The following IFIH1 variants were observed in gnomAD, a reference collection of about 807,000 sequenced individuals.
IFIH1 encodes the protein interferon-induced helicase C domain-containing protein 1.
In IFIH1, 125 loss-of-function variants were observed where a neutral mutation model predicts 107.4. The ratio of observed to expected loss-of-function variants is 1.16; its 90% confidence interval spans 1.01 to 1.35. IFIH1 has a LOEUF of 1.35. Ranked by LOEUF, IFIH1 falls within the 40% of genes most tolerant of loss-of-function variation. The pLI is 0.00. For synonymous variants in IFIH1, 458 were observed against 413.2 expected (o/e 1.11, Z -1.31); for missense variants, 1,333 against 1,213.7 (o/e 1.10, Z -1.46).
intron 2 of IFIH1, chr2:162,310,081 A>T (rs1683363319): frequency 6.6e-6 from 1 of 152,424 alleles, no homozygotes; most frequent in East Asian, 1.9e-4. Context: ...TGTTTGTTAC[A>T]GCAGCACCCC....
chr2:162,291,075 C>A (rs921049367), intron 4 of IFIH1, among the ~76,000 whole-genome samples: 1 of 151,764 alleles, frequency 6.6e-6, no homozygotes, highest in Admixed American at 6.6e-5. Context: ...ATGAAAATAG[C>A]AGTTAAAATA....
At chr2:162,269,176 A>G (rs1165199739) in intron 13 of IFIH1, among the ~76,000 whole-genome samples, 1 of 152,216 alleles carries the variant, frequency 6.6e-6, no homozygotes, top group Admixed American at 6.5e-5. Flanking sequence ...CTAAATGACT[A>G]CATTTCCAAA....
intron 3 of IFIH1, among the ~76,000 whole-genome samples, chr2:162,300,159 G>A (rs1371070661): frequency 6.6e-6 from 1 of 152,078 alleles, no homozygotes; most frequent in Admixed American, 6.6e-5. Context: ...CTTTTTGAGA[G>A]TGAACGCAAT....
intron 5 of IFIH1, among the ~76,000 whole-genome samples, chr2:162,286,674 G>C (rs565842478): frequency 6.6e-6 from 1 of 151,986 alleles, no homozygotes. Flanking sequence ...AATGGCAGAT[G>C]CTCAAATGGT....
chr2:162,306,051 C>A (rs1261415913), intron 3 of IFIH1, among the ~76,000 whole-genome samples: 1 of 152,166 alleles, frequency 6.6e-6, no homozygotes, highest in Non-Finnish European at 1.5e-5. Context: ...CTTTAAGCAA[C>A]TATTTCTTGT....
chr2:162,283,251 G>T (rs918225217), intron 5 of IFIH1, among the ~76,000 whole-genome samples: 1 of 151,926 alleles, frequency 6.6e-6, no homozygotes, highest in Admixed American at 6.6e-5. Context: ...GCATTGACTA[G>T]GAGAACAGAT....
intron 9 of IFIH1, 37 bp downstream of exon 9, chr2:162,278,168 T>C (rs753679593): frequency 6.4e-7 from 1 of 1,561,128 alleles, no homozygotes; most frequent in Admixed American, 2.0e-5. Flanking sequence ...GGTATAAACA[T>C]GGGATAAACT....
intron 3 of IFIH1, among the ~76,000 whole-genome samples, chr2:162,301,120 A>G (rs1380242731): frequency 6.6e-6 from 1 of 152,212 alleles, no homozygotes; most frequent in South Asian, 2.1e-4. Flanking sequence ...ATGTCACCGG[A>G]TAAACCTAAG....
At chr2:162,303,099 C>T (rs890053977) in intron 3 of IFIH1, among the ~76,000 whole-genome samples, 2 of 152,088 alleles carry the variant, frequency 1.3e-5, no homozygotes, top group African/African-American at 4.8e-5. Flanking sequence ...TGGAAAGCTC[C>T]ATGGGGGCTG....
At chr2:162,271,906 A>T (rs187281390) in intron 13 of IFIH1, among the ~76,000 whole-genome samples, 65 of 152,300 alleles carry the variant, frequency 4.3e-4, no homozygotes, top group Non-Finnish European at 5.9e-5. Flanking sequence ...TGCCTTTACA[A>T]ACAAATTGGA....
At position 162,318,555 on chromosome 2, in the gene IFIH1, T is replaced by TGCGGCCGGCAGGC. The variant is rs1223917356; in HGVS notation, c.-261_-249dup. On this transcript the variant is annotated 5_prime_UTR_variant, in exon 1 of 16. Coordinates refer to ENST00000649979, the MANE Select transcript of IFIH1 (RefSeq NM_022168.4). ...GGCGCGCGGGGCCGCGGCAGGCAGG[T>TGCGGCCGGCAGGC]GCGGCCGGCAGGCGCGGCACTTTGG... The TGCGGCCGGCAGGC allele has an allele frequency of 1.1e-5, 3 of 264,202 alleles. No individual in the cohort carries two copies. The highest frequency in any genetic ancestry group is 6.8e-5 in the African/African-American group (3 of 44,238). The allele number at this position is 264,202 out of a possible 1,614,324, so 16.4% of individuals were successfully genotyped here. A position where few individuals can be genotyped will look rare whatever the true frequency, so the allele number is the denominator to read the frequency against.
At position 162,278,534 on chromosome 2, in the gene IFIH1, A is replaced by G. The variant is rs112399855; in HGVS notation, c.1642-206T>C. Among the ~76,000 whole-genome samples the G allele has an allele frequency of 0.016, 2,426 of 152,124 alleles. 59 individuals carry two copies. The highest frequency in any genetic ancestry group is 0.055 in the African/African-American group (2,287 of 41,520). ...GCCATCAAGCCACACCCACACCAAC[A>G]CCCTGTTACCTCTGCTGGAATCTCC... On this transcript the variant is annotated intron_variant, in intron 8 of 15. Transcript: ENST00000649979.
chr2:162,310,260 A>G (rs1488488527), intron 2 of IFIH1: 1 of 156,192 alleles, frequency 6.4e-6, no homozygotes, highest in African/African-American at 2.4e-5. Context: ...AGATTTACAA[A>G]TAATGTAGGA....
chr2:162,318,246 C>G lies in IFIH1; in HGVS notation c.62G>C (p.Arg21Thr). Residue 21 changes from arginine (R) to threonine (T), a missense_variant, in exon 1 of 16, where the codon AGG becomes ACG. Coordinates refer to ENST00000649979, the MANE Select transcript of IFIH1 (RefSeq NM_022168.4). ...CTCCACCTGGATGTACATTTTCACC[C>G]TGGCCCTGAAGCACGAGATGAGATA... ...FRYLISCFRA[R>T]VKMYIQVEPV... is the part of the protein sequence containing the mutation. 1 of 1,614,180 alleles carries G rather than the reference C, an allele frequency of 6.2e-7. No homozygotes were observed. The highest frequency in any genetic ancestry group is 8.5e-7 in the Non-Finnish European group (1 of 1,180,038).
intron 3 of IFIH1, among the ~76,000 whole-genome samples, chr2:162,295,836 G>C (rs545621155): frequency 9.9e-5 from 15 of 152,036 alleles, no homozygotes; most frequent in Middle Eastern, 3.4e-3. Flanking sequence ...CTGATGAAAA[G>C]AGAATATGAT....
At chr2:162,298,790 G>GCGCGCACA (rs541154436) in intron 3 of IFIH1, among the ~76,000 whole-genome samples, 4 of 149,294 alleles carry the variant, frequency 2.7e-5, no homozygotes, top group East Asian at 4.0e-4. Flanking sequence ...ACGCGCGCGC[G>GCGCGCACA]CACACACACA....
intron 1 of IFIH1, among the ~76,000 whole-genome samples, chr2:162,315,405 G>C (rs1336303348): frequency 1.3e-5 from 2 of 152,074 alleles, no homozygotes; most frequent in South Asian, 2.1e-4. Flanking sequence ...ATAATCTAGG[G>C]ACTTTAAGAA....
At chr2:162,277,208 T>C (rs1242662504) in intron 10 of IFIH1, among the ~76,000 whole-genome samples, 2 of 152,178 alleles carry the variant, frequency 1.3e-5, no homozygotes, top group African/African-American at 4.8e-5. Flanking sequence ...ATTACAATTG[T>C]CTTGACAATA....
chr2:162,282,707 G>A, intron 5 of IFIH1, 131 bp from the exon 6 acceptor site: 1 of 612,920 alleles, frequency 1.6e-6, no homozygotes, highest in Non-Finnish European at 2.9e-6. Context: ...GCATAACAAC[G>A]TTCCCATCAC....
Sources: allele counts gnomAD v4.1 joint callset (sites outside exome capture counted in the v4.1 genomes callset), GRCh38; gene constraint gnomAD v4.1.1; transcripts MANE v1.5; gene names NCBI Gene and HGNC (gene_info 2026-07-23, HGNC 2026-07-21).